CNTN6: variants seen among roughly 807,000 people sequenced by gnomAD.
The protein encoded by CNTN6 is contactin 6.
A neutral mutation model predicts 122.8 loss-of-function variants in CNTN6; 137 were observed. That is an observed-to-expected ratio of 1.12 (90% CI 0.97 to 1.29). CNTN6 has a LOEUF of 1.29. Ranked by LOEUF, CNTN6 falls within the 50% of genes most tolerant of loss-of-function variation. The pLI is 0.00. For missense variants in CNTN6, 1,634 were observed against 1,223.4 expected, an observed-to-expected ratio of 1.34 and a Z score of -5.01; for synonymous variants, 570 against 426.0, an observed-to-expected ratio of 1.34 and a Z score of -4.16.
At chr3:1,279,617 G>C (rs577846435) in intron 5 of CNTN6, among the ~76,000 whole-genome samples, 1 of 152,174 alleles carries the variant, frequency 6.6e-6, no homozygotes, top group East Asian at 1.9e-4. Flanking sequence ...CTGGTTCCCA[G>C]ACCCTCAGCT....
At chr3:1,206,576 C>T (rs1307874899) in intron 2 of CNTN6, among the ~76,000 whole-genome samples, 1 of 152,162 alleles carries the variant, frequency 6.6e-6, no homozygotes, top group African/African-American at 2.4e-5. Context: ...CAACCAAATG[C>T]ACCATTGACC....
chr3:1,300,525 GAT>G lies in CNTN6; in HGVS notation c.761+2536_761+2537del, dbSNP rs1447103285. Among the ~76,000 whole-genome samples the G allele has an allele frequency of 3.5e-3, 444 of 126,888 alleles. 3 individuals carry two copies. The highest frequency in any genetic ancestry group is 0.015 in the African/African-American group (415 of 27,500). 83.2% of individuals were successfully genotyped at this position (126,888 alleles called of 152,430 possible). On this transcript the variant is annotated intron_variant, in intron 7 of 22. Transcript: ENST00000446702. ...AAAGAAAGAGAAAGAAAGAAAGAAA[GAT>G]AAAGAAAGAGAGAGAAAGAAAGAGA...
intron 4 of CNTN6, among the ~76,000 whole-genome samples, chr3:1,250,005 T>C (rs755477429): frequency 2.6e-5 from 4 of 152,180 alleles, no homozygotes; most frequent in Non-Finnish European, 4.4e-5. Context: ...GCAATCCTAT[T>C]GTTTTTATTT....
intron 20 of CNTN6, among the ~76,000 whole-genome samples, chr3:1,387,912 CG>C (rs976176338): frequency 1.6e-4 from 25 of 152,238 alleles, no homozygotes; most frequent in African/African-American, 3.6e-4. Context: ...GAGGGTCCTA[CG>C]CCCACGGAAT....
rs139241616 is a variant in CNTN6, at chr3:1,329,919, C to G, written c.1348C>G (p.Leu450Val). ...AISWKRGTET[L>V]RQSKRIFLLE... ...CTCTTGGAAAAGAGGAACGGAGACC[C>G]TTAGACAAAGCAAAAGGTAAACAAA... Residue 450 changes from leucine to valine, a missense_variant, in exon 11 of 23, where the codon CTT becomes GTT. Coordinates refer to ENST00000446702, the MANE Select transcript of CNTN6 (RefSeq NM_001289080.2). 324 of 1,570,712 alleles carry G rather than the reference C, an allele frequency of 2.1e-4. 1 individual carries two copies. In the African/African-American group the frequency reaches 4.1e-3, roughly 20 times the overall value.
chr3:1,400,192 T>G (rs911066861), intron 20 of CNTN6, among the ~76,000 whole-genome samples: 1 of 152,154 alleles, frequency 6.6e-6, no homozygotes, highest in African/African-American at 2.4e-5. Flanking sequence ...CAAAAACATC[T>G]TGTTGGGCAG....
At chr3:1,311,351 TTATATGTACA>T (rs1392990214) in intron 7 of CNTN6, among the ~76,000 whole-genome samples, 3 of 127,158 alleles carry the variant, frequency 2.4e-5, no homozygotes, top group African/African-American at 3.5e-5. Flanking sequence ...TAAAATGTCT[TTATATGTACA>T]TATATGTACA....
chr3:1,153,305 T>C (rs754809049), intron 2 of CNTN6, among the ~76,000 whole-genome samples: 5 of 152,202 alleles, frequency 3.3e-5, no homozygotes, highest in Non-Finnish European at 5.9e-5. Context: ...ATTCTAATTA[T>C]TGTGTTATGC....
intron 17 of CNTN6, 52 bp from the exon 18 acceptor site, chr3:1,382,890 C>T: frequency 8.5e-7 from 1 of 1,171,300 alleles, no homozygotes; most frequent in Non-Finnish European, 1.3e-6. Context: ...ATTATAGTAG[C>T]TTAATAAAAT....
chr3:1,339,389 T>A (rs1294473837), intron 11 of CNTN6, among the ~76,000 whole-genome samples: 1 of 152,160 alleles, frequency 6.6e-6, no homozygotes, highest in African/African-American at 2.4e-5. Flanking sequence ...ATAAGTATAG[T>A]GGCAAACCAA....
intron 2 of CNTN6, among the ~76,000 whole-genome samples, chr3:1,149,744 C>T (rs997589671): frequency 9.9e-5 from 15 of 152,072 alleles, no homozygotes; most frequent in African/African-American, 2.9e-4. Context: ...GCCCCCAAAT[C>T]ATATATGTGT....
At chr3:1,233,683 T>C (rs569069203) in intron 4 of CNTN6, among the ~76,000 whole-genome samples, 8 of 129,440 alleles carry the variant, frequency 6.2e-5, no homozygotes, top group Middle Eastern at 5.8e-3. Context: ...TGCAGTGAGC[T>C]GAGATCGTGC....
intron 4 of CNTN6, among the ~76,000 whole-genome samples, chr3:1,245,180 T>G: frequency 0.033 from 1 of 30 alleles, no homozygotes; most frequent in Non-Finnish European, 0.05. Context: ...AATCAACAAG[T>G]AGGGTAAAGA....
intron 2 of CNTN6, among the ~76,000 whole-genome samples, chr3:1,192,647 C>T (rs2093718756): frequency 6.6e-6 from 1 of 152,058 alleles, no homozygotes; most frequent in Admixed American, 6.6e-5. Flanking sequence ...AGATGCACAC[C>T]TGCTGCTAGG....
Position 1,270,247 on chromosome 3 carries a change from AAAAC to A in CNTN6, c.359-8162_359-8159del, listed in dbSNP as rs557465849. ...TGGGAAAATTAGTTACTATAGAACT[AAAAC>A]AAAATCACTCAAGAAATAGGAAATA... On this transcript the variant is annotated intron_variant, in intron 4 of 22. Coordinates refer to ENST00000446702, the MANE Select transcript of CNTN6 (RefSeq NM_001289080.2). 2.0e-3 allele frequency among the ~76,000 whole-genome samples: 301 copies of A among 152,352 alleles called. 1 individual carries two copies. The highest frequency in any genetic ancestry group is 6.5e-3 in the African/African-American group (270 of 41,580).
chr3:1,291,033 A>G (rs1247747368), intron 5 of CNTN6, among the ~76,000 whole-genome samples: 3 of 152,158 alleles, frequency 2.0e-5, no homozygotes, highest in African/African-American at 4.8e-5. Flanking sequence ...TTCAAGATGG[A>G]GTTGCTCTGG....
Position 1,240,291 on chromosome 3 carries a change from C to G in CNTN6, c.358+12298C>G, listed in dbSNP as rs1268933303. Among the ~76,000 whole-genome samples the G allele has an allele frequency of 3.9e-5, 6 of 152,116 alleles. No individual in the cohort carries two copies. The East Asian group carries it at 9.7e-4, about 25-fold the overall frequency. On this transcript the variant is annotated intron_variant, in intron 4 of 22. Transcript: ENST00000446702. ...TATTTATCCAACGAATGACTGATAT[C>G]GAGAATCTACAAGGAACTCAAACAA...
At chr3:1,367,723 G>A (rs1197447564) in intron 12 of CNTN6, among the ~76,000 whole-genome samples, 3 of 152,124 alleles carry the variant, frequency 2.0e-5, no homozygotes, top group Non-Finnish European at 2.9e-5. Context: ...GTGTGCACAT[G>A]CTTGCCTGGG....
At chr3:1,340,397 C>G (rs1279884452) in intron 11 of CNTN6, among the ~76,000 whole-genome samples, 9 of 152,070 alleles carry the variant, frequency 5.9e-5, no homozygotes, top group Admixed American at 5.9e-4. Context: ...TAGATGGAGT[C>G]TTATTTATTC....
Sources: gnomAD v4.1 joint callset for allele counts (sites outside exome capture counted in the v4.1 genomes callset) on GRCh38, gnomAD v4.1.1 for gene constraint, MANE v1.5 for transcripts, NCBI Gene and HGNC (gene_info 2026-07-23, HGNC 2026-07-21) for gene names.